RBFOX1: variants seen among roughly 807,000 people sequenced by gnomAD.
RBFOX1 encodes RNA binding protein fox-1 homolog 1.
In RBFOX1, 8 loss-of-function variants were observed where a neutral mutation model predicts 57.7. That is an observed-to-expected ratio of 0.14 (90% confidence interval 0.08 to 0.25). RBFOX1 has a LOEUF of 0.25. Among genes scored for constraint, RBFOX1 ranks in the 10% least tolerant of loss-of-function variants. RBFOX1 has a pLI of 1.00. For missense variants in RBFOX1, 611 were observed against 548.5 expected (o/e 1.11, Z -1.14); for synonymous variants, 326 against 222.4 (o/e 1.47, Z -4.15).
At chr16:6,522,298 G>T (rs1338002649) in intron 2 of RBFOX1, among the ~76,000 whole-genome samples, 1 of 151,952 alleles carries the variant, frequency 6.6e-6, no homozygotes, top group Non-Finnish European at 1.5e-5. Flanking sequence ...ATTCAGAAGT[G>T]ATGGGAGGGA....
chr16:6,114,539 A>T (rs568132859), intron 1 of RBFOX1, among the ~76,000 whole-genome samples: 1 of 147,686 alleles, frequency 6.8e-6, no homozygotes, highest in East Asian at 2.0e-4. Flanking sequence ...GAACTTGTCA[A>T]TTAGAATCAA....
chr16:6,683,627 C>G (rs113566573), intron 3 of RBFOX1, among the ~76,000 whole-genome samples: 68 of 152,212 alleles, frequency 4.5e-4, no homozygotes, highest in African/African-American at 1.6e-3. Flanking sequence ...GTTTGCATAT[C>G]CAAACTGCAT....
At chr16:6,128,876 C>G (rs943209732) in intron 1 of RBFOX1, among the ~76,000 whole-genome samples, 6 of 152,168 alleles carry the variant, frequency 3.9e-5, no homozygotes, top group Non-Finnish European at 7.3e-5. Flanking sequence ...GTGGAAACCC[C>G]AGAATGCCCA....
intron 4 of RBFOX1, chr16:7,304,323 CAG>C: frequency 3.0e-6 from 3 of 985,074 alleles, no homozygotes; most frequent in Non-Finnish European, 3.6e-6. Flanking sequence ...AGCGCCCAGG[CAG>C]AGAGCAACGT....
intron 2 of RBFOX1, among the ~76,000 whole-genome samples, chr16:5,485,617 C>T (rs1182019327): frequency 1.3e-5 from 2 of 152,184 alleles, no homozygotes; most frequent in Admixed American, 6.5e-5. Flanking sequence ...CCATTGTCCT[C>T]ATTTCACAGA....
At chr16:7,175,215 A>G (rs535237910) in intron 4 of RBFOX1, among the ~76,000 whole-genome samples, 14 of 151,432 alleles carry the variant, frequency 9.2e-5, no homozygotes, top group South Asian at 4.2e-4. Context: ...CCAGCCCCCA[A>G]TAGGCCCCAG....
At chr16:6,428,927 T>C (rs2094002816) in intron 2 of RBFOX1, among the ~76,000 whole-genome samples, 1 of 152,158 alleles carries the variant, frequency 6.6e-6, no homozygotes, top group African/African-American at 2.4e-5. Flanking sequence ...TAAAGCGTAT[T>C]CTTAGATCAC....
intron 2 of RBFOX1, among the ~76,000 whole-genome samples, chr16:6,527,812 G>A (rs547111233): frequency 2.6e-5 from 4 of 152,218 alleles, no homozygotes; most frequent in Admixed American, 6.5e-5. Context: ...GTAGGGTAGG[G>A]ACGTGTGGAT....
chr16:7,176,456 A>G (rs2081663326), intron 4 of RBFOX1, among the ~76,000 whole-genome samples: 1 of 152,138 alleles, frequency 6.6e-6, no homozygotes, highest in Non-Finnish European at 1.5e-5. Context: ...TATTATGTGT[A>G]CGAGGTATCT....
At chr16:7,078,447 A>T (rs990565860) in intron 4 of RBFOX1, among the ~76,000 whole-genome samples, 7 of 152,108 alleles carry the variant, frequency 4.6e-5, no homozygotes, top group African/African-American at 1.4e-4. Context: ...TCCCGGATTC[A>T]AGCGGTTCTC....
intron 1 of RBFOX1, among the ~76,000 whole-genome samples, chr16:5,430,867 A>G (rs944141802): frequency 3.9e-5 from 6 of 152,228 alleles, no homozygotes; most frequent in African/African-American, 1.2e-4. Flanking sequence ...CCTCCAAAGA[A>G]GTTTTGCCCT....
chr16:5,454,024 A>C (rs1413588057), intron 1 of RBFOX1, among the ~76,000 whole-genome samples: 1 of 152,148 alleles, frequency 6.6e-6, no homozygotes, highest in Non-Finnish European at 1.5e-5. Flanking sequence ...GACTAAAGAG[A>C]GGGAGGGAAA....
chr16:6,782,138 C>T (rs540098479), intron 3 of RBFOX1, among the ~76,000 whole-genome samples: 1 of 152,254 alleles, frequency 6.6e-6, no homozygotes, highest in South Asian at 2.1e-4. Flanking sequence ...TCCCGAGTAG[C>T]TGGGACTACG....
At position 6,769,559 on chromosome 16, in the gene RBFOX1, C is replaced by G. The variant is rs1487754630; in HGVS notation, c.-16+114909C>G. On this transcript the variant is annotated intron_variant, in intron 3 of 15. Transcript: ENST00000550418. ...ACATCAGGCTGTTTCCTGTTTTTGCCTATTCGTGACAATGCTGAAACAGCT... is the reference window on the plus strand; with the variant it reads ...ACATCAGGCTGTTTCCTGTTTTTGCGTATTCGTGACAATGCTGAAACAGCT... Among the ~76,000 whole-genome samples the G allele has an allele frequency of 2.0e-5, 3 of 152,276 alleles. No homozygotes were observed. In the East Asian group the frequency reaches 5.8e-4, roughly 29 times the overall value.
At chr16:6,730,751 T>C (rs894989624) in intron 3 of RBFOX1, among the ~76,000 whole-genome samples, 1 of 152,186 alleles carries the variant, frequency 6.6e-6, no homozygotes, top group African/African-American at 2.4e-5. Context: ...ACCGATTATT[T>C]AGTGGGTTAG....
intron 1 of RBFOX1, among the ~76,000 whole-genome samples, chr16:6,142,290 T>C (rs924261295): frequency 2.2e-4 from 33 of 148,668 alleles, no homozygotes; most frequent in African/African-American, 6.7e-4. Flanking sequence ...GGCGTGATCT[T>C]GGCTCACTGC....
intron 1 of RBFOX1, among the ~76,000 whole-genome samples, chr16:5,314,724 C>T (rs2064184866): frequency 6.6e-6 from 1 of 151,744 alleles, no homozygotes; most frequent in East Asian, 1.9e-4. Context: ...TGGCCTTGAA[C>T]TTCTAGACTC....
At chr16:5,562,588 T>C (rs1296680754) in intron 2 of RBFOX1, among the ~76,000 whole-genome samples, 1 of 152,048 alleles carries the variant, frequency 6.6e-6, no homozygotes, top group Non-Finnish European at 1.5e-5. Context: ...CTGGCCTCAG[T>C]TTTCTAGGAT....
intron 3 of RBFOX1, among the ~76,000 whole-genome samples, chr16:6,987,998 C>A (rs979557717): frequency 4.6e-5 from 7 of 152,062 alleles, no homozygotes; most frequent in Admixed American, 3.3e-4. Flanking sequence ...ATATAGTCGT[C>A]ATCATGGTTA....
Sources: allele counts gnomAD v4.1 joint callset (sites outside exome capture counted in the v4.1 genomes callset), GRCh38; gene constraint gnomAD v4.1.1; transcripts MANE v1.5; gene names NCBI Gene and HGNC (gene_info 2026-07-23, HGNC 2026-07-21).